The following DPP6 variants were observed in gnomAD, a reference collection of about 807,000 sequenced individuals.
DPP6 encodes the protein dipeptidyl peptidase like 6, also known as A-type potassium channel modulatory protein DPP6.
Under a neutral mutation model 122.6 loss-of-function variants are expected in DPP6, and 69 were observed. The observed-to-expected ratio is 0.56, with a 90% CI of 0.46 to 0.69. The LOEUF is 0.69. Ranked by LOEUF, DPP6 falls within the 30% of genes least tolerant of loss-of-function variation. DPP6 has a pLI of 0.00. For missense variants in DPP6, 928 were observed against 1,116.9 expected, an observed-to-expected ratio of 0.83 and a Z score of 2.41; for synonymous variants, 418 against 433.1, an observed-to-expected ratio of 0.97 and a Z score of 0.43.
intron 10 of DPP6, among the ~76,000 whole-genome samples, chr7:154,779,504 T>C (rs1350035867): frequency 6.6e-6 from 1 of 152,186 alleles, no homozygotes; most frequent in African/African-American, 2.4e-5. Flanking sequence ...TTGCCTATGG[T>C]TGCACTTTTA....
chr7:154,353,209 G>A (rs531103276), intron 1 of DPP6, among the ~76,000 whole-genome samples: 1 of 152,192 alleles, frequency 6.6e-6, no homozygotes, highest in Admixed American at 6.5e-5. Context: ...AAAGAAGCAG[G>A]CCTGGGATTT....
chr7:154,521,995 T>G (rs1301646236), intron 3 of DPP6, among the ~76,000 whole-genome samples: 1 of 152,080 alleles, frequency 6.6e-6, no homozygotes, highest in East Asian at 1.9e-4. Flanking sequence ...GACGGAGTCT[T>G]GCTCTGTCCC....
Position 154,403,127 on chromosome 7 carries a change from A to C in DPP6, c.244-43087A>C, listed in dbSNP as rs1394053463. Among the ~76,000 whole-genome samples the C allele has an allele frequency of 6.6e-6, 1 of 152,240 alleles. No homozygotes were observed. The highest frequency in any genetic ancestry group is 1.5e-5 in the Non-Finnish European group (1 of 68,042). ...GTCCATCAGTAAGTAAGAGCACCAG[A>C]GAATGACTGTCTCTTTTCTTTGTGG... is the stretch of plus-strand genomic sequence containing the variant. On this transcript the variant is annotated intron_variant, in intron 1 of 25. Transcript: ENST00000377770. The surrounding 1 kb of genome is among the most constrained non-coding windows in gnomAD (Gnocchi z 4.1).
chr7:154,867,918 A>C (rs1331513864), intron 17 of DPP6, 77 bp from the exon 18 acceptor site: 1 of 1,472,784 alleles, frequency 6.8e-7, no homozygotes, highest in Non-Finnish European at 9.0e-7. Context: ...AGTTACGCAC[A>C]TGAAAAGCCA....
In DPP6 at chr7:154,863,368, G is replaced by T. The variant is rs901278063; in HGVS notation, c.1715-4627G>T. Among the ~76,000 whole-genome samples, 5 of 149,250 alleles carry T rather than the reference G, an allele frequency of 3.4e-5. No homozygotes were observed. Among genetic ancestry groups the T allele is most frequent in the African/African-American group, 1.2e-4 (5 of 40,002 alleles). Reference sequence around the variant, plus strand: ...GATTTTTTTTTTTTTTTGAGATGGGGGTCTTGCTCTGTCACCTAGGCTCAA... The same window carrying T: ...GATTTTTTTTTTTTTTTGAGATGGGTGTCTTGCTCTGTCACCTAGGCTCAA... On this transcript the variant is annotated intron_variant, in intron 17 of 25. Coordinates refer to ENST00000377770, the MANE Select transcript of DPP6 (RefSeq NM_130797.4). The surrounding 1 kb of genome is among the most constrained non-coding windows in gnomAD (Gnocchi z 4.1).
intron 4 of DPP6, among the ~76,000 whole-genome samples, chr7:154,555,465 G>A (rs1829953763): frequency 1.3e-5 from 2 of 151,952 alleles, no homozygotes; most frequent in Non-Finnish European, 2.9e-5. Flanking sequence ...GGCGACTGTT[G>A]TGGGGTGGGG....
intron 1 of DPP6, among the ~76,000 whole-genome samples, chr7:154,313,912 T>C (rs1340756314): frequency 2.0e-5 from 3 of 151,434 alleles, no homozygotes; most frequent in Non-Finnish European, 4.4e-5. Context: ...CACCAGGTCA[T>C]ATGGTACATA....
chr7:153,829,140 G>A, the DPP6 span, among the ~76,000 whole-genome samples: 1 of 152,184 alleles, frequency 6.6e-6, no homozygotes, highest in Non-Finnish European at 1.5e-5. Context: ...GAACCTTCAA[G>A]CAAATTATTA....
At chr7:154,003,498 G>A (rs1455688126) in intron 1 of DPP6, among the ~76,000 whole-genome samples, 1 of 152,204 alleles carries the variant, frequency 6.6e-6, no homozygotes, top group Non-Finnish European at 1.5e-5. Flanking sequence ...GATTCTTTGG[G>A]GATGTCTTTG....
At position 154,390,726 on chromosome 7, in the gene DPP6, TTC is replaced by T. The variant is rs1814544341; in HGVS notation, c.244-55484_244-55483del. Among the ~76,000 whole-genome samples, 6 of 152,228 alleles carry T rather than the reference TTC, an allele frequency of 3.9e-5. No homozygotes were observed. The South Asian group carries it at 8.3e-4, about 21-fold the overall frequency. ...GCTTAGCTGGGCCATCGCCGCCGTC[TTC>T]TCTGGCACTGCCCCTGTGTTTTCCG... On this transcript the variant is annotated intron_variant, in intron 1 of 25. Coordinates refer to ENST00000377770, the MANE Select transcript of DPP6 (RefSeq NM_130797.4).
At chr7:154,170,859 G>A (rs1797500965) in intron 1 of DPP6, among the ~76,000 whole-genome samples, 1 of 152,100 alleles carries the variant, frequency 6.6e-6, no homozygotes, top group Non-Finnish European at 1.5e-5. Flanking sequence ...GCATTGCCTA[G>A]AGCCACATTC....
chr7:154,427,996 A>C (rs1464475348), intron 1 of DPP6, among the ~76,000 whole-genome samples: 1 of 152,322 alleles, frequency 6.6e-6, no homozygotes, highest in South Asian at 2.1e-4. Context: ...AATTATCGTC[A>C]TTTTGAGCTT....
At chr7:154,773,513 A>G (rs1292800430) in intron 10 of DPP6, among the ~76,000 whole-genome samples, 1 of 152,114 alleles carries the variant, frequency 6.6e-6, no homozygotes, top group Non-Finnish European at 1.5e-5. Context: ...TCAGTTTAGT[A>G]TTTTCCCCAA....
intron 7 of DPP6, among the ~76,000 whole-genome samples, chr7:154,704,707 AATAACTCACATAC>A (rs1212418571): frequency 6.6e-6 from 1 of 152,218 alleles, no homozygotes; most frequent in Admixed American, 6.5e-5. Flanking sequence ...AAACATTTTT[AATAACTCACATAC>A]ATTTTTAGAC....
At chr7:154,184,366 C>T (rs1314045636) in intron 1 of DPP6, among the ~76,000 whole-genome samples, 1 of 151,950 alleles carries the variant, frequency 6.6e-6, no homozygotes, top group African/African-American at 2.4e-5. Context: ...CCCTCTGATT[C>T]CCAGAGGCCG....
At chr7:154,578,269 A>T in intron 5 of DPP6, among the ~76,000 whole-genome samples, 1 of 152,270 alleles carries the variant, frequency 6.6e-6, no homozygotes. Context: ...TGTTTTTCAC[A>T]GTAAGGCAAC....
At chr7:153,803,774 TG>T in the DPP6 span, among the ~76,000 whole-genome samples, 1 of 151,580 alleles carries the variant, frequency 6.6e-6, no homozygotes, top group Admixed American at 6.6e-5. Context: ...CTTACATATA[TG>T]GAGATATACA....
Position 154,397,264 on chromosome 7 carries a change from CTAG to C in DPP6, c.244-48947_244-48945del, listed in dbSNP as rs1815173670. On this transcript the variant is annotated intron_variant, in intron 1 of 25. Coordinates refer to ENST00000377770, the MANE Select transcript of DPP6 (RefSeq NM_130797.4). ...TTAAGCAGTGCGCACCAACTGAACTCTAGTATAAAGTGGCTTACCAGAATTATA... is the reference window on the plus strand; with the variant it reads ...TTAAGCAGTGCGCACCAACTGAACTCTATAAAGTGGCTTACCAGAATTATA... Among the ~76,000 whole-genome samples, 5 of 150,562 alleles carry C rather than the reference CTAG, an allele frequency of 3.3e-5. No individual in the cohort carries two copies. The South Asian group carries it at 1.1e-3, about 32-fold the overall frequency.
At chr7:154,749,257 G>A (rs1843209677) in intron 8 of DPP6, among the ~76,000 whole-genome samples, 6 of 130,630 alleles carry the variant, frequency 4.6e-5, no homozygotes, top group Admixed American at 7.3e-5. Context: ...TTTACTGAGA[G>A]AGGGTGAGGG....
Sources: gnomAD v4.1 joint callset for allele counts (sites outside exome capture counted in the v4.1 genomes callset) on GRCh38, gnomAD v4.1.1 for gene constraint, Gnocchi (gnomAD v3.1) non-coding constraint, MANE v1.5 for transcripts, NCBI Gene and HGNC (gene_info 2026-07-23, HGNC 2026-07-21) for gene names.